RUVBL1: variants seen among roughly 807,000 people sequenced by gnomAD.
The protein encoded by RUVBL1 is RuvB like AAA ATPase 1, also known as ruvB-like 1.
Under a neutral mutation model 52.4 loss-of-function variants are expected in RUVBL1, and 4 were observed. The ratio of observed to expected loss-of-function variants is 0.08; its 90% CI spans 0.04 to 0.17. The LOEUF (loss-of-function observed/expected upper bound fraction) is 0.17, where lower values mean the gene tolerates loss of function less well. RUVBL1 is among the 10% of genes least tolerant of loss of function. The pLI, the probability that RUVBL1 is intolerant of heterozygous loss-of-function variation, is 1.00. For missense variants in RUVBL1, 298 were observed against 572.8 expected, an observed-to-expected ratio of 0.52 and a Z score of 4.90; for synonymous variants, 217 against 214.4, an observed-to-expected ratio of 1.01 and a Z score of -0.10.
intron 8 of RUVBL1, among the ~76,000 whole-genome samples, chr3:128,091,873 T>G (rs1236722787): frequency 1.3e-5 from 2 of 152,208 alleles, no homozygotes; most frequent in Non-Finnish European, 2.9e-5. Context: ...TGCCCCTGGT[T>G]AAGAATCACT....
intron 9 of RUVBL1, among the ~76,000 whole-genome samples, chr3:128,069,317 C>T (rs1467400418): frequency 6.6e-6 from 1 of 152,220 alleles, no homozygotes; most frequent in Non-Finnish European, 1.5e-5. Context: ...ACAGCAGCGC[C>T]TTGGCCTAGA....
Position 128,123,656 on chromosome 3 carries a change from C to A in RUVBL1, c.69G>T (p.Gly23=), listed in dbSNP as rs778991473. The A allele has an allele frequency of 6.2e-7, 1 of 1,612,424 alleles. No homozygotes were observed. The highest frequency in any genetic ancestry group is 8.5e-7 in the Non-Finnish European group (1 of 1,179,516). The change falls in exon 1 of 11, where the codon GGG becomes GGT. Residue 23 remains glycine (G), a synonymous_variant. Coordinates refer to ENST00000322623, the MANE Select transcript of RUVBL1 (RefSeq NM_003707.3). ...CCAAGCCGCTCTCGTCCAGCCCCAGCCCTTTCACGTGGCTGTGGGAGGCGA... is the reference window on the plus strand; with the variant it reads ...CCAAGCCGCTCTCGTCCAGCCCCAGACCTTTCACGTGGCTGTGGGAGGCGA... ...QRIASHSHVK[G]LGLDESGLAK... is the part of the protein sequence containing the mutation.
chr3:128,095,594 T>C (rs906565900), intron 8 of RUVBL1, among the ~76,000 whole-genome samples: 5 of 152,192 alleles, frequency 3.3e-5, no homozygotes, highest in Non-Finnish European at 4.4e-5. Flanking sequence ...TGCTGCCACA[T>C]GGACTTGAAT....
At chr3:128,104,701 G>T in intron 4 of RUVBL1, 72 bp downstream of exon 4, 3 of 1,394,332 alleles carry the variant, frequency 2.2e-6, no homozygotes, top group Non-Finnish European at 2.0e-6. Context: ...ATGCAGAGAG[G>T]TTACACCACC....
At chr3:128,101,792 C>T (rs576263775) in intron 4 of RUVBL1, 144 bp from the exon 5 acceptor site, 2 of 753,192 alleles carry the variant, frequency 2.7e-6, no homozygotes, top group Admixed American at 2.0e-5. Flanking sequence ...ATACTGGGAC[C>T]TGCAGGAGTG....
intron 1 of RUVBL1, among the ~76,000 whole-genome samples, chr3:128,149,224 G>A (rs929472501): frequency 7.3e-6 from 1 of 136,220 alleles, no homozygotes; most frequent in African/African-American, 2.7e-5. Flanking sequence ...AGACTCTGTT[G>A]CCCAGGCTGG....
rs776995836 is a variant in RUVBL1 at position 128,100,676 on chromosome 3, T to G, written c.672A>C (p.Pro224=). Residue 224 remains proline (P), a synonymous_variant, in exon 6 of 11, where the codon CCA becomes CCC. Transcript: ENST00000322623. ...DLEAEEYVPL[P]KGDVHKKKEI... ...CTTTCTTTTTGTGCACATCCCCTTT[T>G]GGCAAGGGGACATACTCTTCAGCTT... 8 of 1,613,942 alleles carry G rather than the reference T, an allele frequency of 5.0e-6. No individual in the cohort carries two copies. Among genetic ancestry groups the G allele is most frequent in the Non-Finnish European group, 6.8e-6 (8 of 1,179,956 alleles).
At chr3:128,128,298 C>T (rs533654909), upstream of RUVBL1, among the ~76,000 whole-genome samples, 16 of 152,278 alleles carry the variant, frequency 1.1e-4, no homozygotes, top group East Asian at 2.9e-3. Flanking sequence ...GTAAATGTTA[C>T]ATTAGTTAAA....
Position 128,067,901 on chromosome 3 carries a change from C to A in RUVBL1, c.940-2681G>T. 9.2e-7 allele frequency: 1 copy of A among 1,089,800 alleles called. No individual in the cohort carries two copies. The allele number at this position is 1,089,800 out of a possible 1,614,324, so 67.5% of individuals were successfully genotyped here. On this transcript the variant is annotated intron_variant, in intron 9 of 9. Transcript: ENST00000464873. This position sits in a 1 kb window ranked among gnomAD's most constrained non-coding sequence, Gnocchi z 4.1. ...TATTGTCAGTGCTCGAAGAGGCGAT[C>A]TGTAACTGTTCAGTACCACTTGGAA... is the stretch of plus-strand genomic sequence containing the variant.
At chr3:128,153,420 G>A (rs902826260) in exon 1 of RUVBL1, 2 of 1,416,452 alleles carry the variant, frequency 1.4e-6, no homozygotes, top group Non-Finnish European at 9.1e-7. Flanking sequence ...CGCCGGTTAC[G>A]GGGGGGCAAC....
Position 128,082,403 on chromosome 3 carries a change from G to T in RUVBL1, c.1211+80C>A. The T allele has an allele frequency of 9.4e-7, 1 of 1,059,820 alleles. No individual in the cohort carries two copies. 65.7% of individuals were successfully genotyped at this position (1,059,820 alleles called of 1,614,324 possible). A position where few individuals can be genotyped will look rare whatever the true frequency, so the allele number is the denominator to read the frequency against. ...AGTCCCATGCCCTAGGAAGGGACCT[G>T]CCTTTATTGTCCAGAATGACCCCAG... On this transcript the variant is annotated intron_variant, in intron 10 of 10. Coordinates refer to ENST00000322623, the MANE Select transcript of RUVBL1 (RefSeq NM_003707.3). The surrounding 1 kb of genome is among the most constrained non-coding windows in gnomAD (Gnocchi z 4.7).
At chr3:128,153,492 A>AGGCGGCGGCGGCGGCATGGCAG in exon 1 of RUVBL1, 2 of 1,476,274 alleles carry the variant, frequency 1.4e-6, no homozygotes, top group South Asian at 2.7e-5. Flanking sequence ...CGGGTGTCCG[A>AGGCGGCGGCGGCGGCATGGCAG]GGCGGCGGCG....
downstream of RUVBL1, among the ~76,000 whole-genome samples, chr3:128,078,206 ACCC>A (rs1942382695): frequency 1.3e-5 from 2 of 151,972 alleles, no homozygotes; most frequent in African/African-American, 4.8e-5. Flanking sequence ...CCCCTTCTGT[ACCC>A]CCATTTTATT....
At chr3:128,139,835 T>C (rs1943993344) in intron 1 of RUVBL1, among the ~76,000 whole-genome samples, 1 of 152,162 alleles carries the variant, frequency 6.6e-6, no homozygotes, top group African/African-American at 2.4e-5. Flanking sequence ...GAATTTTTAA[T>C]TGTACTCCCA....
rs774120974 is a variant in RUVBL1, at chr3:128,113,049, T to G, written c.229-29A>C. 24 of 1,610,406 alleles carry G rather than the reference T, an allele frequency of 1.5e-5. No individual in the cohort carries two copies. The South Asian group carries it at 2.3e-4, about 16-fold the overall frequency. On this transcript the variant is annotated intron_variant, in intron 2 of 10. Transcript: ENST00000322623. The stretch of plus-strand genomic sequence containing the variant: ...CAAAAGAAAGCAACGGAAACACAGT[T>G]CACAGTCCTGAAAACATGACAGTTC...
chr3:128,092,917 T>C (rs746861213), intron 8 of RUVBL1, among the ~76,000 whole-genome samples: 6 of 152,150 alleles, frequency 3.9e-5, no homozygotes, highest in Non-Finnish European at 8.8e-5. Context: ...TAGCTCACAG[T>C]AATCCTAGCA....
chr3:128,150,853 T>TA (rs1944185039), intron 1 of RUVBL1, among the ~76,000 whole-genome samples: 1 of 80,508 alleles, frequency 1.2e-5, no homozygotes, highest in South Asian at 4.0e-4. Flanking sequence ...ATATATTCTA[T>TA]ATATTATATA....
chr3:128,065,184 G>C, exon 10 of RUVBL1: 2 of 913,650 alleles, frequency 2.2e-6, no homozygotes, highest in Non-Finnish European at 3.6e-6. Flanking sequence ...CAGGTTTCCA[G>C]ATGAGCTGGA....
intron 3 of RUVBL1, among the ~76,000 whole-genome samples, chr3:128,112,355 A>C (rs1486603466): frequency 6.6e-6 from 1 of 152,208 alleles, no homozygotes; most frequent in Non-Finnish European, 1.5e-5. Context: ...CTCCCCTCAG[A>C]GGAGGGAAGG....
Sources: gnomAD v4.1 joint callset for allele counts (sites outside exome capture counted in the v4.1 genomes callset) on GRCh38, gnomAD v4.1.1 for gene constraint, Gnocchi (gnomAD v3.1) non-coding constraint, MANE v1.5 for transcripts, NCBI Gene and HGNC (gene_info 2026-07-23, HGNC 2026-07-21) for gene names.